The following FBH1 variants were observed in gnomAD, a reference collection of about 807,000 sequenced individuals.
The protein encoded by FBH1 is F-box DNA helicase 1, also known as DNA 3'-5' helicase 1.
A neutral mutation model predicts 115.5 loss-of-function variants in FBH1; 43 were observed. The observed-to-expected ratio is 0.37, with a 90% CI of 0.29 to 0.48. The LOEUF is 0.48. Ranked by LOEUF, FBH1 falls within the 20% of genes least tolerant of loss-of-function variation. FBH1 has a pLI of 0.99. For missense variants in FBH1, 1,001 were observed against 1,337.3 expected, an observed-to-expected ratio of 0.75 and a Z score of 3.92; for synonymous variants, 524 against 507.8, an observed-to-expected ratio of 1.03 and a Z score of -0.43.
At chr10:5,898,601 G>A (rs1019745900) in intron 1 of FBH1, among the ~76,000 whole-genome samples, 1 of 152,054 alleles carries the variant, frequency 6.6e-6, no homozygotes, top group African/African-American at 2.4e-5. Flanking sequence ...AGTAGAGATG[G>A]GGTTTCACTA....
chr10:5,918,605 CAA>C lies in FBH1; in HGVS notation c.2100+129_2100+130del, dbSNP rs1832124338. ...ATCCTTGCTTCTAAGCCATGGTTCT[CAA>C]AGTGTGGTTCTCAGGGGTCTGCCAA... On this transcript the variant is annotated intron_variant, in intron 13 of 20. Coordinates refer to ENST00000362091, the MANE Select transcript of FBH1 (RefSeq NM_178150.3). The surrounding 1 kb of genome is among the most constrained non-coding windows in gnomAD (Gnocchi z 4.0). 1 of 1,254,022 alleles carries C rather than the reference CAA, an allele frequency of 8.0e-7. No individual in the cohort carries two copies. Among genetic ancestry groups the C allele is most frequent in the Non-Finnish European group, 1.1e-6 (1 of 946,308 alleles). 77.7% of individuals were successfully genotyped at this position (1,254,022 alleles called of 1,614,324 possible).
At chr10:5,912,126 G>A (rs1412999894) in intron 6 of FBH1, among the ~76,000 whole-genome samples, 5 of 152,030 alleles carry the variant, frequency 3.3e-5, no homozygotes, top group African/African-American at 7.3e-5. Flanking sequence ...TTTGGGAGGC[G>A]AGGCGGGCAG....
intron 13 of FBH1, among the ~76,000 whole-genome samples, chr10:5,919,197 G>A (rs1032207581): frequency 1.3e-5 from 2 of 152,150 alleles, no homozygotes; most frequent in African/African-American, 2.4e-5. Context: ...TCATATAAGA[G>A]GCTTTTGGCT....
rs1400601153 is a variant in FBH1 at position 5,925,025 on chromosome 10, G to T, written c.2597-342G>T. On this transcript the variant is annotated intron_variant, in intron 17 of 20. Transcript: ENST00000362091. The surrounding 1 kb of genome is among the most constrained non-coding windows in gnomAD (Gnocchi z 4.6). ...GATTTTCTAGTCCCAGCTCTGCCAC[G>T]TGTAATGTCAGGCAAGCTGTGCAGC... Among the ~76,000 whole-genome samples the T allele has an allele frequency of 1.3e-5, 2 of 152,160 alleles. No homozygotes were observed. The highest frequency in any genetic ancestry group is 2.9e-5 in the Non-Finnish European group (2 of 68,020).
chr10:5,916,644 G>A (rs1166743270), intron 10 of FBH1, among the ~76,000 whole-genome samples, 188 bp downstream of exon 10: 1 of 151,378 alleles, frequency 6.6e-6, no homozygotes, highest in African/African-American at 2.4e-5. Context: ...GAAATGGGAA[G>A]TGTTAGGGGT....
At chr10:5,902,094 A>G (rs1843381746) in intron 1 of FBH1, among the ~76,000 whole-genome samples, 1 of 152,100 alleles carries the variant, frequency 6.6e-6, no homozygotes, top group Non-Finnish European at 1.5e-5. Flanking sequence ...GGAAGATATG[A>G]AGTTTTCTCC....
rs1221268668 is a variant in FBH1 at position 5,921,057 on chromosome 10, T to C, written c.2101-201T>C. On this transcript the variant is annotated intron_variant, in intron 13 of 20. Transcript: ENST00000362091. This position sits in a 1 kb window ranked among gnomAD's most constrained non-coding sequence, Gnocchi z 6.4. ...AGATTTGCTTAAAAGAAAAATTTAC[T>C]ATTGGTGTTGAGAATAATGGAAAAT... Among the ~76,000 whole-genome samples, 1 of 152,244 alleles carries C rather than the reference T, an allele frequency of 6.6e-6. No individual in the cohort carries two copies. Among genetic ancestry groups the C allele is most frequent in the African/African-American group, 2.4e-5 (1 of 41,462 alleles).
In FBH1 at chr10:5,918,661, C is replaced by T. The variant is rs145965720; in HGVS notation, c.2100+183C>T. Among the ~76,000 whole-genome samples the T allele has an allele frequency of 3.9e-3, 598 of 152,312 alleles. 1 individual carries two copies. The highest frequency in any genetic ancestry group is 6.5e-3 in the Non-Finnish European group (443 of 68,038). On this transcript the variant is annotated intron_variant, in intron 13 of 20. Transcript: ENST00000362091. This position sits in a 1 kb window ranked among gnomAD's most constrained non-coding sequence, Gnocchi z 4.0. Reference sequence around the variant, plus strand: ...ACACTGTTTTCATAAGAGGTGTGTGCACAGCGGTCGTCTGAGGAAGAGCTG... The same window carrying T: ...ACACTGTTTTCATAAGAGGTGTGTGTACAGCGGTCGTCTGAGGAAGAGCTG...
rs117788262 is a variant in FBH1 at position 5,899,762 on chromosome 10, G to T, written c.2-3258G>T. Among the ~76,000 whole-genome samples, 492 of 152,256 alleles carry T rather than the reference G, an allele frequency of 3.2e-3. 2 individuals are homozygous for T. Among genetic ancestry groups the T allele is most frequent in the Non-Finnish European group, 5.1e-3 (348 of 68,022 alleles). On this transcript the variant is annotated intron_variant, in intron 1 of 20. Transcript: ENST00000362091. ...AGATATGCCCAGAGGTCCCCATTCA[G>T]GCAAAATAGTCCTTGCGTTATATTT...
At chr10:5,927,964 C>T (rs987128374) in intron 19 of FBH1, among the ~76,000 whole-genome samples, 7 of 147,760 alleles carry the variant, frequency 4.7e-5, no homozygotes, top group African/African-American at 1.3e-4. Context: ...TCCAGCTACT[C>T]GGGAGGCTGA....
In FBH1 at chr10:5,909,150, G is replaced by C; in HGVS notation, c.885-9G>C. 1 of 1,613,644 alleles carries C rather than the reference G, an allele frequency of 6.2e-7. No individual in the cohort carries two copies. Among genetic ancestry groups the C allele is most frequent in the Non-Finnish European group, 8.5e-7 (1 of 1,179,978 alleles). ...CCTACTCATGGCCTCTCCTGTGAAT[G>C]TCTTACAGATACACAGCCACCACTA... On this transcript the variant is annotated splice_polypyrimidine_tract_variant and intron_variant, in intron 4 of 20. Coordinates refer to ENST00000362091, the MANE Select transcript of FBH1 (RefSeq NM_178150.3). The surrounding 1 kb of genome is among the most constrained non-coding windows in gnomAD (Gnocchi z 4.4).
Position 5,915,937 on chromosome 10 carries a change from T to C in FBH1, c.1566-297T>C. ...ACACTTGACCCAGGTCTCCTGGATG[T>C]AGAGGCATCAGGGAACTCCAAGGGT... On this transcript the variant is annotated intron_variant, in intron 9 of 20. Transcript: ENST00000362091. This position sits in a 1 kb window ranked among gnomAD's most constrained non-coding sequence, Gnocchi z 5.2. 2.1e-6 allele frequency: 1 copy of C among 476,062 alleles called. No individual in the cohort carries two copies. The highest frequency in any genetic ancestry group is 3.7e-5 in the Admixed American group (1 of 26,902). The allele number at this position is 476,062 out of a possible 1,614,324, so 29.5% of individuals were successfully genotyped here.
Position 5,906,733 on chromosome 10 carries a change from T to G in FBH1, c.753+101T>G. 9.5e-7 allele frequency: 1 copy of G among 1,050,448 alleles called. No individual in the cohort carries two copies. Among genetic ancestry groups the G allele is most frequent in the South Asian group, 1.6e-5 (1 of 63,810 alleles). 65.1% of individuals were successfully genotyped at this position (1,050,448 alleles called of 1,614,324 possible). A position where few individuals can be genotyped will look rare whatever the true frequency, so the allele number is the denominator to read the frequency against. On this transcript the variant is annotated intron_variant, in intron 3 of 20. Transcript: ENST00000362091. The surrounding 1 kb of genome is among the most constrained non-coding windows in gnomAD (Gnocchi z 7.3). ...GGATCTTTTCAGAAATGGTTTCCAT[T>G]TGCCTTCAGAAGACATTCAGACTCC...
In FBH1 at chr10:5,897,573, T is replaced by C. The variant is rs1843083251; in HGVS notation, c.2-5447T>C. Among the ~76,000 whole-genome samples, 1 of 152,124 alleles carries C rather than the reference T, an allele frequency of 6.6e-6. No homozygotes were observed. The highest frequency in any genetic ancestry group is 2.4e-5 in the African/African-American group (1 of 41,414). On this transcript the variant is annotated intron_variant, in intron 1 of 20. Transcript: ENST00000362091. The surrounding 1 kb of genome is among the most constrained non-coding windows in gnomAD (Gnocchi z 4.7). ...AATCCAATAAAAGTGTTAATAAAAA[T>C]CCAATAAAAGTACCAGCTCTCCCGC... is the stretch of plus-strand genomic sequence containing the variant.
chr10:5,926,313 C>T (rs1832650702), intron 18 of FBH1, among the ~76,000 whole-genome samples: 1 of 152,044 alleles, frequency 6.6e-6, no homozygotes, highest in African/African-American at 2.4e-5. Context: ...GGGGTTTCGC[C>T]ATGTTGGCCA....
intron 1 of FBH1, among the ~76,000 whole-genome samples, chr10:5,892,737 G>GT (rs1418901747): frequency 6.6e-6 from 1 of 152,178 alleles, no homozygotes; most frequent in Non-Finnish European, 1.5e-5. Context: ...CCTTAACATG[G>GT]TTAATGACAT....
chr10:5,923,945 CT>C lies in FBH1; in HGVS notation c.2398+250del, dbSNP rs2132062111. The C allele has an allele frequency of 7.0e-6, 4 of 567,954 alleles. No homozygotes were observed. The East Asian group carries it at 1.2e-4, about 17-fold the overall frequency. 35.2% of individuals were successfully genotyped at this position (567,954 alleles called of 1,614,324 possible). On this transcript the variant is annotated intron_variant, in intron 16 of 20. Coordinates refer to ENST00000362091, the MANE Select transcript of FBH1 (RefSeq NM_178150.3). This position sits in a 1 kb window ranked among gnomAD's most constrained non-coding sequence, Gnocchi z 5.7. ...CACTGGTCCCATAGACTGTCTTCCC[CT>C]GCATCCTTCTGTCTGCCTGGGCCAA...
intron 1 of FBH1, among the ~76,000 whole-genome samples, chr10:5,893,631 G>A (rs78637063): frequency 0.036 from 5,409 of 152,228 alleles, 189 homozygotes; most frequent in East Asian, 0.15. Flanking sequence ...TTTTCAACTT[G>A]CCTAACTCTA....
Position 5,906,560 on chromosome 10 carries a change from C to T in FBH1, c.681C>T (p.Leu227=), listed in dbSNP as rs1440512732. ...TCCTGAGGCACGTGTTTGCCTTCCT[C>T]CCGGTGGAAGACCTCTATTGGAACC... ...SEVLRHVFAF[L]PVEDLYWNLS... Residue 227 remains leucine (L), a synonymous_variant, in exon 3 of 21, where the codon CTC becomes CTT. Transcript: ENST00000362091. This position sits in a 1 kb window ranked among gnomAD's most constrained non-coding sequence, Gnocchi z 7.3. 1.2e-6 allele frequency: 2 copies of T among 1,614,030 alleles called. No homozygotes were observed. The highest frequency in any genetic ancestry group is 1.3e-5 in the African/African-American group (1 of 75,044).
Sources: gnomAD v4.1 joint callset for allele counts (sites outside exome capture counted in the v4.1 genomes callset) on GRCh38, gnomAD v4.1.1 for gene constraint, Gnocchi (gnomAD v3.1) non-coding constraint, MANE v1.5 for transcripts, NCBI Gene and HGNC (gene_info 2026-07-23, HGNC 2026-07-21) for gene names.